The following THSD7A variants were observed in gnomAD, a reference collection of about 807,000 sequenced individuals.
THSD7A encodes the protein thrombospondin type-1 domain-containing protein 7A.
A neutral mutation model predicts 231.3 loss-of-function variants in THSD7A; 96 were observed. The ratio of observed to expected loss-of-function variants is 0.41; its 90% CI spans 0.35 to 0.49. THSD7A has a LOEUF of 0.49. Ranked by LOEUF, THSD7A falls within the 20% of genes least tolerant of loss-of-function variation. The pLI is 0.05. For synonymous variants in THSD7A, 940 were observed against 743.3 expected (o/e 1.26, Z -4.30); for missense variants, 2,290 against 2,070.2 (o/e 1.11, Z -2.06).
intron 1 of THSD7A, among the ~76,000 whole-genome samples, chr7:11,815,360 A>T (rs1784654128): frequency 6.6e-6 from 1 of 152,016 alleles, no homozygotes; most frequent in Admixed American, 6.6e-5. Flanking sequence ...AGCAGAGAAG[A>T]GATCAGTATA....
At chr7:11,701,982 T>C (rs1467938338) in intron 1 of THSD7A, among the ~76,000 whole-genome samples, 1 of 151,166 alleles carries the variant, frequency 6.6e-6, no homozygotes, top group African/African-American at 2.4e-5. Flanking sequence ...GGGTGTACCT[T>C]GTTGCCAGGC....
intron 1 of THSD7A, among the ~76,000 whole-genome samples, chr7:11,803,011 G>A (rs1371543729): frequency 6.6e-6 from 1 of 152,090 alleles, no homozygotes; most frequent in Non-Finnish European, 1.5e-5. Context: ...AATAACATCT[G>A]TGATAAATCT....
chr7:11,611,275 G>A (rs1311898443), intron 2 of THSD7A, among the ~76,000 whole-genome samples: 1 of 152,020 alleles, frequency 6.6e-6, no homozygotes, highest in African/African-American at 2.4e-5. Flanking sequence ...AATGTATTAA[G>A]TATATGCAGA....
intron 1 of THSD7A, among the ~76,000 whole-genome samples, chr7:11,752,885 C>T (rs1355235705): frequency 6.6e-6 from 1 of 151,932 alleles, no homozygotes; most frequent in Admixed American, 6.6e-5. Flanking sequence ...ATGATCACAC[C>T]ACTGCATTCC....
intron 1 of THSD7A, among the ~76,000 whole-genome samples, chr7:11,811,626 A>G (rs1784530495): frequency 6.6e-6 from 1 of 152,162 alleles, no homozygotes; most frequent in Non-Finnish European, 1.5e-5. Flanking sequence ...ACGTTTCCAA[A>G]GCCTATTTAC....
Position 11,607,016 on chromosome 7 carries a change from A to AT in THSD7A, c.1023-13515_1023-13514insA, listed in dbSNP as rs966381865. On this transcript the variant is annotated intron_variant, in intron 2 of 27. Transcript: ENST00000423059. ...AGAACTTAAAGTATAATAATAAAAA[A>AT]ATATATATATAAAAGAAAAAGGAAA... Among the ~76,000 whole-genome samples, 9 of 151,578 alleles carry AT rather than the reference A, an allele frequency of 5.9e-5. No homozygotes were observed. The South Asian group carries it at 1.0e-3, about 17-fold the overall frequency.
At chr7:11,391,642 T>G (rs1450675253) in intron 23 of THSD7A, among the ~76,000 whole-genome samples, 1 of 152,026 alleles carries the variant, frequency 6.6e-6, no homozygotes, top group East Asian at 1.9e-4. Flanking sequence ...CTGCTGGCAT[T>G]CCAGGTGCCA....
intron 1 of THSD7A, among the ~76,000 whole-genome samples, chr7:11,741,030 A>C (rs1782095566): frequency 6.6e-6 from 1 of 151,960 alleles, no homozygotes; most frequent in Non-Finnish European, 1.5e-5. Context: ...AAACTGAGAC[A>C]CTGAAGAGAA....
intron 1 of THSD7A, among the ~76,000 whole-genome samples, chr7:11,643,083 A>C (rs1725451): frequency 0.32 from 48,335 of 151,940 alleles, 8,512 homozygotes; most frequent in Non-Finnish European, 0.41. Flanking sequence ...AGAAATTATG[A>C]GAACTACTTT....
intron 1 of THSD7A, among the ~76,000 whole-genome samples, chr7:11,730,013 C>G (rs977234313): frequency 1.3e-5 from 2 of 151,628 alleles, no homozygotes; most frequent in Non-Finnish European, 3.0e-5. Flanking sequence ...AAATTTTCAA[C>G]ATCAACAACA....
chr7:11,499,544 C>T (rs1420260101), intron 6 of THSD7A, among the ~76,000 whole-genome samples: 1 of 152,082 alleles, frequency 6.6e-6, no homozygotes, highest in African/African-American at 2.4e-5. Context: ...AGGAGGATGG[C>T]AAACCCCAAT....
At chr7:11,644,010 C>T (rs538091337) in intron 1 of THSD7A, among the ~76,000 whole-genome samples, 74 of 150,970 alleles carry the variant, frequency 4.9e-4, no homozygotes, top group African/African-American at 1.8e-3. Context: ...TTGGAGAAAT[C>T]CTGTGTGCTT....
intron 6 of THSD7A, among the ~76,000 whole-genome samples, chr7:11,494,142 A>G (rs982584203): frequency 6.6e-6 from 1 of 152,034 alleles, no homozygotes; most frequent in Non-Finnish European, 1.5e-5. Flanking sequence ...TCTGATGCCA[A>G]TGTGGCACAA....
In THSD7A at chr7:11,832,030, A is replaced by G; in HGVS notation, c.-84T>C. 1 of 943,892 alleles carries G rather than the reference A, an allele frequency of 1.1e-6. No homozygotes were observed. Among genetic ancestry groups the G allele is most frequent in the Non-Finnish European group, 1.4e-6 (1 of 734,546 alleles). The allele number at this position is 943,892 out of a possible 1,614,324, so 58.5% of individuals were successfully genotyped here. On this transcript the variant is annotated 5_prime_UTR_variant, in exon 1 of 28. Coordinates refer to ENST00000423059, the MANE Select transcript of THSD7A (RefSeq NM_015204.3). Reference sequence around the variant, plus strand: ...CCGCTCTTGGAACGTCTTTTCAAAGAGTACAGAAAGCAAAGCTCTTTCCTG... The same window carrying G: ...CCGCTCTTGGAACGTCTTTTCAAAGGGTACAGAAAGCAAAGCTCTTTCCTG...
chr7:11,721,502 C>T (rs542542475), intron 1 of THSD7A, among the ~76,000 whole-genome samples: 84 of 151,946 alleles, frequency 5.5e-4, no homozygotes, highest in Non-Finnish European at 9.1e-4. Context: ...AACCATGTTT[C>T]CTATACAGCC....
chr7:11,762,905 G>A (rs1323051021), intron 1 of THSD7A, among the ~76,000 whole-genome samples: 2 of 151,894 alleles, frequency 1.3e-5, no homozygotes, highest in Non-Finnish European at 2.9e-5. Flanking sequence ...ATTCAACACA[G>A]TTACTTTCAC....
At chr7:11,537,571 T>C (rs757533066) in intron 6 of THSD7A, among the ~76,000 whole-genome samples, 3 of 152,086 alleles carry the variant, frequency 2.0e-5, no homozygotes, top group Non-Finnish European at 4.4e-5. Context: ...CCACCATGAG[T>C]AAAAGCTTCC....
intron 1 of THSD7A, among the ~76,000 whole-genome samples, chr7:11,804,898 G>T (rs1232924469): frequency 3.9e-5 from 6 of 152,058 alleles, no homozygotes; most frequent in Non-Finnish European, 1.5e-5. Flanking sequence ...AGTAATAGAG[G>T]ATCTCTATAA....
intron 1 of THSD7A, among the ~76,000 whole-genome samples, chr7:11,692,358 T>C (rs763315354): frequency 6.6e-6 from 1 of 151,564 alleles, no homozygotes; most frequent in Admixed American, 6.6e-5. Context: ...TCTCTACAGT[T>C]AAAGGAAGGG....
Sources: gnomAD v4.1 joint callset for allele counts (sites outside exome capture counted in the v4.1 genomes callset) on GRCh38, gnomAD v4.1.1 for gene constraint, MANE v1.5 for transcripts, NCBI Gene and HGNC (gene_info 2026-07-23, HGNC 2026-07-21) for gene names.